Variants in GARNL3 observed in about 807,000 individuals in gnomAD.
GARNL3 encodes GTPase-activating Rap/Ran-GAP domain-like protein 3.
A neutral mutation model predicts 125.0 loss-of-function variants in GARNL3; 63 were observed. The observed-to-expected ratio is 0.50, with a 90% confidence interval of 0.41 to 0.62. The LOEUF is 0.62. Among genes scored for constraint, GARNL3 ranks in the 20% least tolerant of loss-of-function variants. The pLI is 0.00. For missense variants in GARNL3, 994 were observed against 1,244.0 expected, an observed-to-expected ratio of 0.80 and a Z score of 3.02; for synonymous variants, 439 against 457.5, an observed-to-expected ratio of 0.96 and a Z score of 0.52.
chr9:127,339,141 C>T (rs1267111295), intron 12 of GARNL3, among the ~76,000 whole-genome samples: 1 of 151,376 alleles, frequency 6.6e-6, no homozygotes, highest in East Asian at 1.9e-4. Flanking sequence ...ACTAAAAATA[C>T]AAAAAATTAG....
chr9:127,363,022 C>G (rs1588937229), intron 21 of GARNL3: 1 of 152,294 alleles, frequency 6.6e-6, no homozygotes, highest in South Asian at 2.1e-4. Flanking sequence ...TCTATCCCTG[C>G]CACCCGCCAG....
At chr9:127,269,112 C>G (rs1381563252) in intron 1 of GARNL3, among the ~76,000 whole-genome samples, 1 of 152,166 alleles carries the variant, frequency 6.6e-6, no homozygotes, top group African/African-American at 2.4e-5. Context: ...AATCCTCCTA[C>G]CTCAGCCTCC....
intron 1 of GARNL3, among the ~76,000 whole-genome samples, chr9:127,229,184 C>T (rs774315229): frequency 5.3e-5 from 8 of 152,188 alleles, no homozygotes; most frequent in Non-Finnish European, 1.2e-4. Context: ...TTCATCTATA[C>T]CTTCTCCCCT....
intron 1 of GARNL3, among the ~76,000 whole-genome samples, chr9:127,232,201 G>A (rs953009557): frequency 2.6e-5 from 4 of 152,226 alleles, no homozygotes; most frequent in African/African-American, 9.6e-5. Flanking sequence ...TTCGTAGGCT[G>A]ATTCCAGGTG....
intron 2 of GARNL3, among the ~76,000 whole-genome samples, chr9:127,299,492 C>T (rs962569221): frequency 2.0e-5 from 3 of 152,214 alleles, no homozygotes; most frequent in African/African-American, 4.8e-5. Context: ...CTCTGCCTCC[C>T]AGGTTCAAGC....
chr9:127,353,842 C>A lies in GARNL3; in HGVS notation c.1544-4C>A, dbSNP rs936060864. On this transcript the variant is annotated splice_region_variant and splice_polypyrimidine_tract_variant and intron_variant, in intron 17 of 27. Transcript: ENST00000373387. ...GTGATGGGTAACCAGGTTTCCTTTT[C>A]CAGATGACCTTCCATCAGTGCCCGT... The A allele has an allele frequency of 2.5e-6, 4 of 1,605,602 alleles. No homozygotes were observed. Among genetic ancestry groups the A allele is most frequent in the Non-Finnish European group, 3.4e-6 (4 of 1,172,234 alleles).
chr9:127,271,774 C>T (rs765936228), intron 1 of GARNL3, among the ~76,000 whole-genome samples: 6 of 150,258 alleles, frequency 4.0e-5, no homozygotes, highest in Non-Finnish European at 8.8e-5. Context: ...TGCTGACTCT[C>T]ATAAAACCCC....
chr9:127,334,352 G>C (rs1829432651), intron 9 of GARNL3, among the ~76,000 whole-genome samples: 1 of 152,128 alleles, frequency 6.6e-6, no homozygotes, highest in Non-Finnish European at 1.5e-5. Flanking sequence ...AGGCCCTTTT[G>C]GCCTAATAGT....
At chr9:127,291,025 T>C (rs1267980103) in intron 1 of GARNL3, 143 bp from the exon 2 acceptor site, 3 of 747,104 alleles carry the variant, frequency 4.0e-6, no homozygotes, top group Non-Finnish European at 6.6e-6. Flanking sequence ...AGTACCTGCC[T>C]GATAGAGCTT....
At chr9:127,298,252 C>T (rs2064667877) in intron 2 of GARNL3, among the ~76,000 whole-genome samples, 1 of 152,168 alleles carries the variant, frequency 6.6e-6, no homozygotes, top group African/African-American at 2.4e-5. Context: ...AATCTCAGCT[C>T]ATTGCAACCT....
chr9:127,332,209 C>T, intron 7 of GARNL3, 65 bp from the exon 8 acceptor site: 2 of 1,190,860 alleles, frequency 1.7e-6, no homozygotes, highest in South Asian at 2.5e-5. Flanking sequence ...ACGAACAGCC[C>T]ATCTCAAAAC....
At chr9:127,301,016 C>A in intron 2 of GARNL3, 1 of 175,218 alleles carries the variant, frequency 5.7e-6, no homozygotes, top group South Asian at 1.3e-4. Flanking sequence ...CTGCTATTGC[C>A]AGTTGAAGCG....
intron 5 of GARNL3, 88 bp downstream of exon 5, chr9:127,318,215 C>T (rs1184704128): frequency 1.2e-6 from 1 of 848,790 alleles, no homozygotes; most frequent in Non-Finnish European, 2.1e-6. Flanking sequence ...TGTTACCTTT[C>T]CATTGTCTTG....
rs533906723 is a variant in GARNL3 at position 127,276,840 on chromosome 9, TCAGA to T, written c.144+11823_144+11826del. Among the ~76,000 whole-genome samples the T allele has an allele frequency of 2.6e-5, 4 of 152,362 alleles. No homozygotes were observed. The South Asian group carries it at 8.3e-4, about 32-fold the overall frequency. On this transcript the variant is annotated intron_variant, in intron 1 of 27. Coordinates refer to ENST00000373387, the MANE Select transcript of GARNL3 (RefSeq NM_032293.5). The stretch of plus-strand genomic sequence containing the variant: ...TTCATATCACTGTGTACAGCCAGTG[TCAGA>T]CAGCCTTTTGAGTGCTTTGTATGTG...
At chr9:127,391,894 G>A (rs376999481) in intron 27 of GARNL3, among the ~76,000 whole-genome samples, 4 of 152,160 alleles carry the variant, frequency 2.6e-5, no homozygotes, top group South Asian at 2.1e-4. Flanking sequence ...AACATCACAC[G>A]TGCTCCAGTG....
chr9:127,308,180 T>G (rs1262872099), intron 2 of GARNL3, among the ~76,000 whole-genome samples: 1 of 152,194 alleles, frequency 6.6e-6, no homozygotes, highest in Non-Finnish European at 1.5e-5. Flanking sequence ...TAATCAAAAT[T>G]AACATCACCA....
intron 2 of GARNL3, among the ~76,000 whole-genome samples, chr9:127,310,641 G>A (rs2131460662): frequency 6.6e-6 from 1 of 152,174 alleles, no homozygotes; most frequent in South Asian, 2.1e-4. Flanking sequence ...GGGCAAGGGG[G>A]CATGTGCCTG....
chr9:127,339,477 C>T (rs987499713), intron 12 of GARNL3, among the ~76,000 whole-genome samples, 168 bp from the exon 13 acceptor site: 4 of 152,070 alleles, frequency 2.6e-5, no homozygotes, highest in East Asian at 1.9e-4. Flanking sequence ...TTCACTATCA[C>T]GAGAATAGCA....
At chr9:127,285,622 T>C (rs1336666918) in intron 1 of GARNL3, among the ~76,000 whole-genome samples, 3 of 152,212 alleles carry the variant, frequency 2.0e-5, no homozygotes, top group Admixed American at 6.5e-5. Context: ...CCCATTACAA[T>C]TATAATTTTA....
Sources: allele counts gnomAD v4.1 joint callset (sites outside exome capture counted in the v4.1 genomes callset), GRCh38; gene constraint gnomAD v4.1.1; transcripts MANE v1.5; gene names NCBI Gene and HGNC (gene_info 2026-07-23, HGNC 2026-07-21).